The following ABCA13 variants were observed in gnomAD, a reference collection of about 807,000 sequenced individuals.
The protein encoded by ABCA13 is ATP-binding cassette sub-family A member 13.
Under a neutral mutation model 478.7 loss-of-function variants are expected in ABCA13, and 476 were observed. The ratio of observed to expected loss-of-function variants is 0.99; its 90% CI spans 0.92 to 1.07. The LOEUF (loss-of-function observed/expected upper bound fraction) is 1.07, where lower values mean the gene tolerates loss of function less well. Ranked by LOEUF, ABCA13 falls within the 50% of genes least tolerant of loss-of-function variation. ABCA13 has a pLI of 0.00. For synonymous variants in ABCA13, 2,252 were observed against 2,158.9 expected, an observed-to-expected ratio of 1.04 and a Z score of -1.20; for missense variants, 6,060 against 5,910.6, an observed-to-expected ratio of 1.03 and a Z score of -0.83.
chr7:48,619,834 A>G (rs1792959920), intron 59 of ABCA13, among the ~76,000 whole-genome samples: 1 of 152,182 alleles, frequency 6.6e-6, no homozygotes, highest in African/African-American at 2.4e-5. Context: ...AGACCTCTGC[A>G]ACATTACTCC....
chr7:48,294,682 A>G (rs1051509018), intron 20 of ABCA13, among the ~76,000 whole-genome samples: 1 of 150,716 alleles, frequency 6.6e-6, no homozygotes, highest in South Asian at 2.1e-4. Flanking sequence ...TCCTGACCTC[A>G]TGATCCACCC....
intron 58 of ABCA13, among the ~76,000 whole-genome samples, chr7:48,611,531 C>G (rs1434728179): frequency 6.6e-6 from 1 of 152,148 alleles, no homozygotes; most frequent in Admixed American, 6.5e-5. Flanking sequence ...TTTCAGGAAA[C>G]TTACAATCAT....
chr7:48,410,925 G>T (rs534443960), intron 40 of ABCA13, among the ~76,000 whole-genome samples: 28 of 152,322 alleles, frequency 1.8e-4, no homozygotes, highest in African/African-American at 6.7e-4. Context: ...AGGAGCTGCT[G>T]TGAGTGTCAG....
chr7:48,230,267 C>T (rs1788851921), intron 7 of ABCA13, among the ~76,000 whole-genome samples: 1 of 152,120 alleles, frequency 6.6e-6, no homozygotes, highest in Non-Finnish European at 1.5e-5. Flanking sequence ...ATCACTAGCT[C>T]TGTGATTTTA....
rs148914749 is a variant in ABCA13, at chr7:48,195,646, G to A, written c.164-2591G>A. 8.7e-3 allele frequency among the ~76,000 whole-genome samples: 1,322 copies of A among 152,194 alleles called. 9 individuals carry two copies. The highest frequency in any genetic ancestry group is 0.014 in the Non-Finnish European group (961 of 68,010). On this transcript the variant is annotated intron_variant, in intron 2 of 61. Coordinates refer to ENST00000435803, the MANE Select transcript of ABCA13 (RefSeq NM_152701.5). ...ACTCTTGTGATTGTCAGAGTGAGTC[G>A]CCTAATCAATCAGATTATGAATTTG... is the stretch of plus-strand genomic sequence containing the variant.
chr7:48,517,531 T>C (rs1336979594), intron 52 of ABCA13, among the ~76,000 whole-genome samples: 2 of 152,172 alleles, frequency 1.3e-5, no homozygotes, highest in Admixed American at 6.5e-5. Flanking sequence ...CATCTCCAGC[T>C]GGTGTCTAGG....
chr7:48,483,473 G>A (rs558841394), intron 47 of ABCA13, among the ~76,000 whole-genome samples: 2 of 152,212 alleles, frequency 1.3e-5, no homozygotes, highest in Non-Finnish European at 2.9e-5. Flanking sequence ...TAGTTTCTTT[G>A]CTGGCCAAGG....
At chr7:48,216,947 G>A (rs928465386) in intron 3 of ABCA13, among the ~76,000 whole-genome samples, 8 of 152,134 alleles carry the variant, frequency 5.3e-5, no homozygotes, top group African/African-American at 1.9e-4. Flanking sequence ...TCTCAGGAAT[G>A]TTTTTGTAGC....
At chr7:48,444,367 C>T (rs1378813435) in intron 42 of ABCA13, among the ~76,000 whole-genome samples, 1 of 152,122 alleles carries the variant, frequency 6.6e-6, no homozygotes, top group African/African-American at 2.4e-5. Context: ...AGATATGTGC[C>T]ATTTTCCCAC....
chr7:48,401,308 G>C (rs1817568816), intron 38 of ABCA13, among the ~76,000 whole-genome samples: 1 of 152,052 alleles, frequency 6.6e-6, no homozygotes, highest in African/African-American at 2.4e-5. Context: ...AAAGTGACTG[G>C]GATTTCCTCT....
chr7:48,644,573 T>C (rs373139799), intron 60 of ABCA13, 44 bp from the exon 61 acceptor site: 3 of 1,546,442 alleles, frequency 1.9e-6, no homozygotes, highest in Non-Finnish European at 1.7e-6. Flanking sequence ...TGTTTAATAA[T>C]GCTAGTTATA....
In ABCA13 at chr7:48,460,445, C is replaced by T. The variant is rs530608904; in HGVS notation, c.12815+5159C>T. On this transcript the variant is annotated intron_variant, in intron 43 of 61. Coordinates refer to ENST00000435803, the MANE Select transcript of ABCA13 (RefSeq NM_152701.5). ...TGCCTTGACTTGTGGCAGCATCACT[C>T]CAGTCTCAGCCTCCTGTCTTCATGT... 2.7e-3 allele frequency among the ~76,000 whole-genome samples: 407 copies of T among 152,242 alleles called. 1 individual carries two copies. Among genetic ancestry groups the T allele is most frequent in the Non-Finnish European group, 2.8e-3 (189 of 68,016 alleles).
Position 48,427,873 on chromosome 7 carries a change from T to C in ABCA13, c.12565+2T>C. 6.3e-7 allele frequency: 1 copy of C among 1,584,576 alleles called. No individual in the cohort carries two copies. Among genetic ancestry groups the C allele is most frequent in the Non-Finnish European group, 8.6e-7 (1 of 1,164,452 alleles). On this transcript the variant is annotated splice_donor_variant, in intron 42 of 61. Coordinates refer to ENST00000435803, the MANE Select transcript of ABCA13 (RefSeq NM_152701.5). LOFTEE classifies it high-confidence loss of function. ...CTACAGGACATCTGTCTGGCTACTG[T>C]AAGTACAGAATGGCTTCCTGCATTT...
intron 45 of ABCA13, among the ~76,000 whole-genome samples, chr7:48,472,597 TGAAA>T (rs1827618927): frequency 1.3e-5 from 2 of 151,584 alleles, no homozygotes; most frequent in African/African-American, 4.8e-5. Flanking sequence ...ATGTAATAAG[TGAAA>T]GAAAGAGAGA....
Position 48,279,337 on chromosome 7 carries a change from G to T in ABCA13, c.8143G>T (p.Glu2715Ter), listed in dbSNP as rs1345341089. ...AGATATAAAATGGGAAATAATTCAT[G>T]AAGTGATCCCTTTTTTGGATAAAAT... ...PQDIKWEIIH[E>*]VIPFLDKILS... Residue 2715 changes from glutamate (E) to a stop codon, truncating the protein, a stop_gained, in exon 18 of 62, where the codon GAA (glutamate) becomes TAA (stop). Coordinates refer to ENST00000435803, the MANE Select transcript of ABCA13 (RefSeq NM_152701.5). LOFTEE classifies it high-confidence loss of function. 1 of 1,586,044 alleles carries T rather than the reference G, an allele frequency of 6.3e-7. No homozygotes were observed. The highest frequency in any genetic ancestry group is 8.6e-7 in the Non-Finnish European group (1 of 1,163,816).
chr7:48,343,021 TACTC>T (rs1807485155), intron 29 of ABCA13, among the ~76,000 whole-genome samples: 1 of 152,166 alleles, frequency 6.6e-6, no homozygotes, highest in African/African-American at 2.4e-5. Context: ...TTGGACACAA[TACTC>T]ACATTTTGGA....
chr7:48,327,570 T>G (rs1428650787), intron 27 of ABCA13, among the ~76,000 whole-genome samples: 3 of 152,206 alleles, frequency 2.0e-5, no homozygotes, highest in African/African-American at 7.2e-5. Context: ...AAATCCATTT[T>G]ATAGATTAAA....
At chr7:48,337,757 T>C (rs539394093) in intron 28 of ABCA13, among the ~76,000 whole-genome samples, 1 of 152,154 alleles carries the variant, frequency 6.6e-6, no homozygotes, top group Admixed American at 6.6e-5. Context: ...TGGATATCAA[T>C]GGCAAAATAA....
At chr7:48,467,434 TA>T (rs1176448789) in intron 44 of ABCA13, among the ~76,000 whole-genome samples, 2 of 152,292 alleles carry the variant, frequency 1.3e-5, no homozygotes, top group South Asian at 2.1e-4. Flanking sequence ...ATTAATTATA[TA>T]TTTTTTTAAC....
Sources: allele counts gnomAD v4.1 joint callset (sites outside exome capture counted in the v4.1 genomes callset), GRCh38; gene constraint gnomAD v4.1.1; transcripts MANE v1.5; gene names NCBI Gene and HGNC (gene_info 2026-07-23, HGNC 2026-07-21).